Variants in MTDH observed in about 807,000 individuals in gnomAD.
MTDH encodes the protein metadherin.
A neutral mutation model predicts 72.7 loss-of-function variants in MTDH; 34 were observed. The observed-to-expected ratio is 0.47, with a 90% CI of 0.36 to 0.62. MTDH has a LOEUF of 0.62. MTDH is among the 20% of genes least tolerant of loss of function. The pLI, the probability that MTDH is intolerant of heterozygous loss-of-function variation, is 0.00. For missense variants in MTDH, 677 were observed against 699.4 expected, an observed-to-expected ratio of 0.97 and a Z score of 0.36; for synonymous variants, 266 against 268.9, an observed-to-expected ratio of 0.99 and a Z score of 0.10.
At position 97,697,128 on chromosome 8, in the gene MTDH, A is replaced by AAAAAAAAAAAAAAAAAAAT. The variant is rs1563554021; in HGVS notation, c.1049-2624_1049-2623insAAAAAAAAAAAAAAAATAA. Among the ~76,000 whole-genome samples the AAAAAAAAAAAAAAAAAAAT allele has an allele frequency of 5.8e-4, 57 of 98,294 alleles. 1 individual carries two copies. Among genetic ancestry groups the AAAAAAAAAAAAAAAAAAAT allele is most frequent in the African/African-American group, 3.4e-3 (51 of 14,928 alleles). The allele number at this position is 98,294 out of a possible 152,430, so 64.5% of individuals were successfully genotyped here. On this transcript the variant is annotated intron_variant, in intron 6 of 11. Coordinates refer to ENST00000336273, the MANE Select transcript of MTDH (RefSeq NM_178812.4). The stretch of plus-strand genomic sequence containing the variant: ...GTGAGACTCTGTCTCACAAAAAAAA[A>AAAAAAAAAAAAAAAAAAAT]AATATATATATATATATATATATTT...
rs1732547606 is a variant in MTDH, at chr8:97,725,735, TGTG to T, written c.*1068_*1070del. On this transcript the variant is annotated 3_prime_UTR_variant, in exon 12 of 12. Coordinates refer to ENST00000336273, the MANE Select transcript of MTDH (RefSeq NM_178812.4). ...AGAATTTTCATGTAATTATTGCAAT[TGTG>T]GTCAAATAAGGAACGTTTCCTGCTT... 2 of 152,636 alleles carry T rather than the reference TGTG, an allele frequency of 1.3e-5. No homozygotes were observed. The highest frequency in any genetic ancestry group is 2.4e-5 in the African/African-American group (1 of 41,452). 9.5% of individuals were successfully genotyped at this position (152,636 alleles called of 1,614,324 possible).
intron 10 of MTDH, among the ~76,000 whole-genome samples, chr8:97,720,072 GT>G (rs1220866492): frequency 6.6e-6 from 1 of 151,768 alleles, no homozygotes. Context: ...GGATCACAAG[GT>G]CAGGAGTTCG....
chr8:97,711,126 A>G (rs1258643314), intron 8 of MTDH, among the ~76,000 whole-genome samples: 5 of 152,344 alleles, frequency 3.3e-5, no homozygotes, highest in Admixed American at 2.6e-4. Flanking sequence ...GCTATTTTCA[A>G]TGACATGACC....
rs544374143 is a variant in MTDH at position 97,729,872 on chromosome 8, G to A, written c.*5202G>A. Among the ~76,000 whole-genome samples, 1 of 152,118 alleles carries A rather than the reference G, an allele frequency of 6.6e-6. No individual in the cohort carries two copies. Among genetic ancestry groups the A allele is most frequent in the African/African-American group, 2.4e-5 (1 of 41,424 alleles). On this transcript the variant is annotated 3_prime_UTR_variant, in exon 12 of 12. Transcript: ENST00000336273. ...AGAGACAGAGGCTGAGAGAAACTTA[G>A]TAGCCTGCCTGCGCATACTGCAAGT...
Position 97,644,454 on chromosome 8 carries a change from C to T in MTDH, c.-53C>T, listed in dbSNP as rs1198336894. On this transcript the variant is annotated 5_prime_UTR_variant, in exon 1 of 12. Coordinates refer to ENST00000336273, the MANE Select transcript of MTDH (RefSeq NM_178812.4). ...TTCCTCGCTTCCCTCGACTATTCCA[C>T]TGCGTCTCCGCGCCCCGGCGTCATC... 18 of 1,521,958 alleles carry T rather than the reference C, an allele frequency of 1.2e-5. No homozygotes were observed. Among genetic ancestry groups the T allele is most frequent in the Admixed American group, 2.1e-5 (1 of 48,722 alleles). The allele number at this position is 1,521,958 out of a possible 1,614,324, so 94.3% of individuals were successfully genotyped here. A position where few individuals can be genotyped will look rare whatever the true frequency, so the allele number is the denominator to read the frequency against.
intron 7 of MTDH, among the ~76,000 whole-genome samples, chr8:97,702,265 CAG>C (rs1554580882): frequency 6.6e-6 from 1 of 152,150 alleles, no homozygotes; most frequent in Non-Finnish European, 1.5e-5. Context: ...TCTTGGCACA[CAG>C]GGGTGAATGA....
chr8:97,650,157 C>T (rs927348224), intron 1 of MTDH, among the ~76,000 whole-genome samples: 2 of 145,860 alleles, frequency 1.4e-5, no homozygotes, highest in African/African-American at 5.1e-5. Flanking sequence ...GGGGTTTCAC[C>T]GTGTTAGCCA....
At position 97,644,759 on chromosome 8, in the gene MTDH, C is replaced by T; in HGVS notation, c.253C>T (p.Pro85Ser). 1 of 1,565,244 alleles carries T rather than the reference C, an allele frequency of 6.4e-7. No homozygotes were observed. The highest frequency in any genetic ancestry group is 8.6e-7 in the Non-Finnish European group (1 of 1,163,862). Residue 85 changes from proline to serine, a missense_variant, in exon 1 of 12, where the codon CCG becomes TCG. Pro to Ser is a moderately conservative substitution (Grantham distance 74). Transcript: ENST00000336273. ...CGGCGCCCGCAAAAAGCGGAGGAGC[C>T]CGCCCCGCAAGCGGGAGGAGGCGGC... ...CAGARKKRRS[P>S]PRKREEAAAV...
At chr8:97,707,254 C>G (rs1024991270) in intron 8 of MTDH, among the ~76,000 whole-genome samples, 8 of 150,650 alleles carry the variant, frequency 5.3e-5, no homozygotes, top group Admixed American at 2.0e-4. Context: ...TGTGTTCAAG[C>G]AGTTTTCCTA....
chr8:97,689,132 GA>G, intron 5 of MTDH, 29 bp downstream of exon 5: 1 of 1,351,504 alleles, frequency 7.4e-7, no homozygotes, highest in Non-Finnish European at 1.0e-6. Flanking sequence ...AACTTAAATT[GA>G]AGGCCCATCA....
At chr8:97,690,312 C>T (rs1483849452) in intron 5 of MTDH, among the ~76,000 whole-genome samples, 1 of 152,150 alleles carries the variant, frequency 6.6e-6, no homozygotes, top group Non-Finnish European at 1.5e-5. Flanking sequence ...CTTTTCAGTG[C>T]TTGTTCTTAG....
chr8:97,674,910 A>G (rs1356049670), intron 2 of MTDH, among the ~76,000 whole-genome samples: 2 of 152,038 alleles, frequency 1.3e-5, no homozygotes, highest in South Asian at 2.1e-4. Flanking sequence ...TCCCGGGCTC[A>G]AGTGATTCTC....
At chr8:97,690,818 C>T (rs970612854) in intron 5 of MTDH, 134 bp from the exon 6 acceptor site, 1 of 648,512 alleles carries the variant, frequency 1.5e-6, no homozygotes, top group Admixed American at 3.0e-5. Flanking sequence ...TAAATTAAGG[C>T]AATCCTTGGT....
chr8:97,716,580 T>C (rs571143946), intron 9 of MTDH, among the ~76,000 whole-genome samples: 4 of 151,180 alleles, frequency 2.6e-5, no homozygotes, highest in African/African-American at 9.7e-5. Flanking sequence ...CCCAGCTACT[T>C]GTGAAGTTGA....
intron 8 of MTDH, among the ~76,000 whole-genome samples, chr8:97,710,022 C>G (rs1264028046): frequency 6.6e-6 from 1 of 152,138 alleles, no homozygotes; most frequent in Non-Finnish European, 1.5e-5. Context: ...ACCTGAGTAT[C>G]ATTCATGGCA....
chr8:97,703,473 C>T (rs553466438), intron 7 of MTDH, among the ~76,000 whole-genome samples: 2 of 152,296 alleles, frequency 1.3e-5, no homozygotes, highest in South Asian at 4.1e-4. Flanking sequence ...ATTGCCTAAA[C>T]TTTCTTCTGC....
chr8:97,664,325 C>T (rs1486888874), intron 2 of MTDH, among the ~76,000 whole-genome samples: 2 of 151,546 alleles, frequency 1.3e-5, no homozygotes, highest in East Asian at 1.9e-4. Flanking sequence ...CATTGCACTC[C>T]AGCCTGGGTG....
intron 2 of MTDH, among the ~76,000 whole-genome samples, chr8:97,672,708 G>A (rs1277541627): frequency 6.6e-6 from 1 of 152,128 alleles, no homozygotes; most frequent in African/African-American, 2.4e-5. Flanking sequence ...GGCAAATTTG[G>A]TTTTAAACAT....
intron 2 of MTDH, among the ~76,000 whole-genome samples, chr8:97,673,616 C>T (rs186002570): frequency 6.6e-4 from 95 of 144,524 alleles, no homozygotes; most frequent in African/African-American, 2.2e-3. Flanking sequence ...GCTGAGATCG[C>T]GCTGTTGCAC....
Sources: allele counts gnomAD v4.1 joint callset (sites outside exome capture counted in the v4.1 genomes callset), GRCh38; gene constraint gnomAD v4.1.1; transcripts MANE v1.5; gene names NCBI Gene and HGNC (gene_info 2026-07-23, HGNC 2026-07-21).